DNAI1: variants seen among roughly 807,000 people sequenced by gnomAD.
DNAI1 encodes dynein, axonemal, intermediate polypeptide 1.
DNAI1 carries 67 observed loss-of-function variants against 92.0 expected under a neutral mutation model. That is an observed-to-expected ratio of 0.73 (90% CI 0.60 to 0.89). The LOEUF (loss-of-function observed/expected upper bound fraction) is 0.89. Ranked by LOEUF, DNAI1 falls within the 40% of genes least tolerant of loss-of-function variation. The pLI is 0.00. For missense variants in DNAI1, 839 were observed against 866.6 expected (o/e 0.97, Z 0.40); for synonymous variants, 323 against 319.6 (o/e 1.01, Z -0.11).
chr9:34,491,739 C>A (rs1053429343), intron 8 of DNAI1, among the ~76,000 whole-genome samples, 185 bp downstream of exon 8: 3 of 152,216 alleles, frequency 2.0e-5, no homozygotes, highest in Admixed American at 6.5e-5. Flanking sequence ...GACAGTAGGT[C>A]CCTATCCAGT....
intron 15 of DNAI1, 59 bp downstream of exon 15, chr9:34,512,483 G>A: frequency 1.3e-6 from 2 of 1,503,000 alleles, no homozygotes; most frequent in Non-Finnish European, 9.2e-7. Flanking sequence ...CCCAGTGAGG[G>A]TCAGTGACAG....
chr9:34,494,560 G>A (rs1434250515), intron 9 of DNAI1, among the ~76,000 whole-genome samples: 4 of 152,148 alleles, frequency 2.6e-5, no homozygotes, highest in African/African-American at 4.8e-5. Context: ...GCTCTGTACT[G>A]GGACCCATGG....
rs372361587 is a variant in DNAI1, at chr9:34,506,648, G to A, written c.1085G>A (p.Arg362Gln). The A allele has an allele frequency of 2.4e-5, 38 of 1,614,132 alleles. No individual in the cohort carries two copies. The highest frequency in any genetic ancestry group is 7.7e-5 in the South Asian group (7 of 91,078). Residue 362 changes from arginine (R) to glutamine (Q), a missense_variant, in exon 13 of 20, where the codon CGG becomes CAG. Coordinates refer to ENST00000242317, the MANE Select transcript of DNAI1 (RefSeq NM_012144.4). ...GTAGATGACTTCATGAAGCAGAGCC[G>A]GGGCATGCTGCTGCTCTACAGCCTG... is the stretch of plus-strand genomic sequence containing the variant. ...YGSYDFMKQS[R>Q]GMLLLYSLKN...
intron 19 of DNAI1, 139 bp from the exon 20 acceptor site, chr9:34,520,519 G>T: frequency 1.3e-6 from 1 of 777,784 alleles, no homozygotes. Flanking sequence ...GTCAGGGAGA[G>T]GGGAGGCAGG....
At chr9:34,471,759 G>GACT (rs1824139168) in intron 1 of DNAI1, among the ~76,000 whole-genome samples, 1 of 151,366 alleles carries the variant, frequency 6.6e-6, no homozygotes, top group African/African-American at 2.4e-5. Flanking sequence ...TACAGTGTGA[G>GACT]ACTCCATTAA....
rs1162289067 is a variant in DNAI1 at position 34,512,104 on chromosome 9, T to A, written c.1312-5T>A. On this transcript the variant is annotated splice_region_variant and splice_polypyrimidine_tract_variant and intron_variant, in intron 13 of 19. Coordinates refer to ENST00000242317, the MANE Select transcript of DNAI1 (RefSeq NM_012144.4). ...TCCCAGAGCTCACATTTTGGGATGT[T>A]TCAGGTCAAGTGGCAGAAGGATGAC... 1 of 1,613,898 alleles carries A rather than the reference T, an allele frequency of 6.2e-7. No homozygotes were observed. Among genetic ancestry groups the A allele is most frequent in the Non-Finnish European group, 8.5e-7 (1 of 1,179,934 alleles).
intron 12 of DNAI1, among the ~76,000 whole-genome samples, chr9:34,503,165 C>T (rs1224928085): frequency 6.6e-6 from 1 of 152,168 alleles, no homozygotes; most frequent in Non-Finnish European, 1.5e-5. Flanking sequence ...TTCAGATGAG[C>T]ATCTATTCTC....
At chr9:34,499,134 A>C in intron 10 of DNAI1, among the ~76,000 whole-genome samples, 1 of 152,234 alleles carries the variant, frequency 6.6e-6, no homozygotes. Context: ...AAAATAGAGA[A>C]GTGTTACCAA....
intron 6 of DNAI1, 51 bp downstream of exon 6, chr9:34,490,175 A>G (rs1824558835): frequency 1.2e-6 from 2 of 1,613,450 alleles, no homozygotes; most frequent in Non-Finnish European, 1.7e-6. Flanking sequence ...CAAGCTGTGG[A>G]TGGAGGCTTC....
intron 10 of DNAI1, among the ~76,000 whole-genome samples, chr9:34,498,135 A>G (rs1362564214): frequency 6.6e-6 from 1 of 152,200 alleles, no homozygotes; most frequent in African/African-American, 2.4e-5. Flanking sequence ...GGGCCTTACC[A>G]CACCTGACCT....
rs186567174 is a variant in DNAI1, at chr9:34,474,819, G to A, written c.49-8629G>A. 1.8e-4 allele frequency among the ~76,000 whole-genome samples: 27 copies of A among 152,072 alleles called. No homozygotes were observed. The East Asian group carries it at 4.8e-3, about 27-fold the overall frequency. On this transcript the variant is annotated intron_variant, in intron 1 of 19. Transcript: ENST00000242317. ...TCTGACCTTGTGATCTGCCCGCCTC[G>A]GCCTCCCAAAGTGTTGGGATTACAG...
chr9:34,506,410 T>C (rs1053274516), intron 12 of DNAI1, among the ~76,000 whole-genome samples: 2 of 152,216 alleles, frequency 1.3e-5, no homozygotes, highest in Admixed American at 6.5e-5. Context: ...TCACCTTGAT[T>C]GGTTGTTGGA....
At chr9:34,465,486 A>G (rs567096432) in intron 1 of DNAI1, among the ~76,000 whole-genome samples, 1 of 152,336 alleles carries the variant, frequency 6.6e-6, no homozygotes, top group South Asian at 2.1e-4. Flanking sequence ...ACTAGAAAAC[A>G]ATTTTTGCCA....
intron 1 of DNAI1, among the ~76,000 whole-genome samples, chr9:34,463,829 T>A (rs1488188868): frequency 6.6e-6 from 1 of 151,882 alleles, no homozygotes; most frequent in Admixed American, 6.6e-5. Context: ...AAGGTAGGAG[T>A]GAGTGGGCAG....
In DNAI1 at chr9:34,513,125, C is replaced by T. The variant is rs377601344; in HGVS notation, c.1503C>T (p.Ala501=). The T allele has an allele frequency of 4.6e-5, 75 of 1,613,992 alleles. No homozygotes were observed. Among genetic ancestry groups the T allele is most frequent in the East Asian group, 2.9e-4 (13 of 44,888 alleles). Residue 501 remains alanine, a synonymous_variant, in exon 16 of 20, where the codon GCC becomes GCT. Transcript: ENST00000242317. ...TCTTTTCCCAAGGTTGTGGCACTGC[C>T]TTTGACTTCCACAAAGAGATTGACT... ...LQLHPVGCGT[A]FDFHKEIDYM...
chr9:34,459,347 A>G (rs572552415), intron 1 of DNAI1, among the ~76,000 whole-genome samples: 1 of 151,742 alleles, frequency 6.6e-6, no homozygotes, highest in African/African-American at 2.4e-5. Flanking sequence ...TGACCAGTCT[A>G]TTCTCCTTAA....
At chr9:34,491,609 C>T (rs1025918477) in intron 8 of DNAI1, 55 bp downstream of exon 8, 16 of 1,592,338 alleles carry the variant, frequency 1.0e-5, no homozygotes, top group Middle Eastern at 3.5e-4. Context: ...TGTATCCTTT[C>T]CTCATTTAGC....
At chr9:34,490,258 G>C (rs1416361136) in intron 6 of DNAI1, 111 bp from the exon 7 acceptor site, 8 of 1,606,830 alleles carry the variant, frequency 5.0e-6, no homozygotes, top group Non-Finnish European at 6.0e-6. Flanking sequence ...GTGTCTGGCA[G>C]CATCACTCTC....
chr9:34,500,530 T>C (rs968758376), intron 10 of DNAI1, among the ~76,000 whole-genome samples, 192 bp from the exon 11 acceptor site: 16 of 152,210 alleles, frequency 1.1e-4, no homozygotes, highest in African/African-American at 3.6e-4. Flanking sequence ...CAGGCATTTT[T>C]CTAAGCTCTT....
Sources: allele counts gnomAD v4.1 joint callset (sites outside exome capture counted in the v4.1 genomes callset), GRCh38; gene constraint gnomAD v4.1.1; transcripts MANE v1.5; gene names NCBI Gene and HGNC (gene_info 2026-07-23, HGNC 2026-07-21).